IMMP2L: variants seen among roughly 807,000 people sequenced by gnomAD.
IMMP2L encodes the protein inner mitochondrial membrane peptidase subunit 2, also known as mitochondrial inner membrane protease subunit 2.
Under a neutral mutation model 19.3 loss-of-function variants are expected in IMMP2L, and 18 were observed. The observed-to-expected ratio is 0.93, with a 90% CI of 0.64 to 1.38. The LOEUF (loss-of-function observed/expected upper bound fraction) is 1.38. Among genes scored for constraint, IMMP2L ranks in the 40% most tolerant of loss-of-function variants. The pLI, the probability that IMMP2L is intolerant of heterozygous loss-of-function variation, is 0.00. For missense variants in IMMP2L, 233 were observed against 218.2 expected (o/e 1.07, Z -0.43); for synonymous variants, 76 against 73.0 (o/e 1.04, Z -0.21).
At chr7:111,469,814 G>A (rs991143934) in intron 3 of IMMP2L, among the ~76,000 whole-genome samples, 7 of 152,068 alleles carry the variant, frequency 4.6e-5, no homozygotes, top group African/African-American at 1.7e-4. Context: ...ATAGGCATGG[G>A]CAAGGACTTC....
intron 4 of IMMP2L, among the ~76,000 whole-genome samples, chr7:110,889,363 G>C (rs1253812278): frequency 6.6e-6 from 1 of 152,134 alleles, no homozygotes; most frequent in East Asian, 1.9e-4. Context: ...GGTTCCCTCT[G>C]GGGGTGATGG....
chr7:111,144,261 G>A (rs1298137293), intron 3 of IMMP2L, among the ~76,000 whole-genome samples: 1 of 152,002 alleles, frequency 6.6e-6, no homozygotes, highest in Non-Finnish European at 1.5e-5. Context: ...ACACAATATG[G>A]CCACATTCAA....
chr7:111,451,554 G>A (rs1262208830), intron 3 of IMMP2L, among the ~76,000 whole-genome samples: 3 of 120,430 alleles, frequency 2.5e-5, no homozygotes, highest in Non-Finnish European at 3.3e-5. Context: ...ACACTCTGGG[G>A]ACTGTGGTGG....
intron 5 of IMMP2L, among the ~76,000 whole-genome samples, chr7:110,744,254 C>T (rs1271342698): frequency 2.0e-5 from 3 of 152,220 alleles, no homozygotes; most frequent in African/African-American, 7.2e-5. Flanking sequence ...CAGTCAGGGA[C>T]TTATAGATAT....
intron 5 of IMMP2L, among the ~76,000 whole-genome samples, chr7:110,751,461 G>A (rs1250188794): frequency 6.6e-6 from 1 of 151,894 alleles, no homozygotes; most frequent in Non-Finnish European, 1.5e-5. Context: ...ACTCTAAGAG[G>A]CCTTGAGGAA....
intron 5 of IMMP2L, among the ~76,000 whole-genome samples, chr7:110,833,933 G>A (rs1196506930): frequency 6.6e-6 from 1 of 152,168 alleles, no homozygotes; most frequent in Non-Finnish European, 1.5e-5. Flanking sequence ...GAAGGCCTCT[G>A]AGATGAATAT....
chr7:111,408,180 G>GT, intron 3 of IMMP2L, among the ~76,000 whole-genome samples: 1 of 151,810 alleles, frequency 6.6e-6, no homozygotes, highest in Non-Finnish European at 1.5e-5. Flanking sequence ...TACATACATG[G>GT]TAAGTTCCCT....
chr7:111,219,484 A>G (rs1438887169), intron 3 of IMMP2L, among the ~76,000 whole-genome samples: 1 of 152,076 alleles, frequency 6.6e-6, no homozygotes, highest in African/African-American at 2.4e-5. Flanking sequence ...ATAAATTTTA[A>G]GTAAACAGGG....
intron 3 of IMMP2L, among the ~76,000 whole-genome samples, chr7:110,987,486 T>C (rs1446999820): frequency 6.6e-6 from 1 of 152,214 alleles, no homozygotes; most frequent in Non-Finnish European, 1.5e-5. Context: ...TGGATTCTAA[T>C]ATTCTGGGAT....
At chr7:111,388,648 G>A (rs1283194416) in intron 3 of IMMP2L, among the ~76,000 whole-genome samples, 1 of 152,042 alleles carries the variant, frequency 6.6e-6, no homozygotes, top group African/African-American at 2.4e-5. Context: ...GAAGCGAAAA[G>A]TACTTCTTAC....
intron 3 of IMMP2L, among the ~76,000 whole-genome samples, chr7:111,008,272 A>T (rs1285449755): frequency 6.6e-6 from 1 of 152,006 alleles, no homozygotes; most frequent in East Asian, 1.9e-4. Flanking sequence ...CTATGAGGTA[A>T]AGTCCTACCA....
At chr7:111,265,500 T>C (rs1027269325) in intron 3 of IMMP2L, among the ~76,000 whole-genome samples, 15 of 152,054 alleles carry the variant, frequency 9.9e-5, no homozygotes, top group African/African-American at 2.9e-4. Flanking sequence ...TCATCAAGGA[T>C]TGAAGGATGG....
intron 3 of IMMP2L, among the ~76,000 whole-genome samples, chr7:111,404,148 A>AT (rs757038337): frequency 6.6e-6 from 1 of 152,104 alleles, no homozygotes; most frequent in African/African-American, 2.4e-5. Context: ...TAGTCAATCC[A>AT]TTTTTTATAT....
At chr7:111,083,437 T>C (rs1340358548) in intron 3 of IMMP2L, among the ~76,000 whole-genome samples, 1 of 152,208 alleles carries the variant, frequency 6.6e-6, no homozygotes, top group South Asian at 2.1e-4. Context: ...GTTAGTCTTC[T>C]ACCATGAATA....
At chr7:110,971,853 CTG>C (rs2129556678) in intron 3 of IMMP2L, among the ~76,000 whole-genome samples, 1 of 152,130 alleles carries the variant, frequency 6.6e-6, no homozygotes, top group African/African-American at 2.4e-5. Context: ...AATGTTTAAA[CTG>C]TGCTACTGGA....
At chr7:111,390,027 T>C (rs192481446) in intron 3 of IMMP2L, among the ~76,000 whole-genome samples, 42 of 152,312 alleles carry the variant, frequency 2.8e-4, no homozygotes, top group African/African-American at 8.7e-4. Context: ...ATTTCCCTGA[T>C]AGTCACAAAA....
At chr7:110,841,144 A>G (rs1016640053) in intron 5 of IMMP2L, among the ~76,000 whole-genome samples, 1 of 152,200 alleles carries the variant, frequency 6.6e-6, no homozygotes, top group East Asian at 1.9e-4. Context: ...TAACAAATGT[A>G]TAACACACGG....
chr7:110,735,318 T>A (rs1162123384), intron 5 of IMMP2L, among the ~76,000 whole-genome samples: 2 of 152,040 alleles, frequency 1.3e-5, no homozygotes, highest in East Asian at 3.9e-4. Context: ...CAGCAACCAT[T>A]TTTCCAGGAC....
intron 5 of IMMP2L, among the ~76,000 whole-genome samples, chr7:110,819,289 G>T (rs1802820505): frequency 6.6e-6 from 1 of 151,932 alleles, no homozygotes; most frequent in Admixed American, 6.6e-5. Flanking sequence ...AGTGTTTGGG[G>T]AGGTTCGGAG....
Sources: allele counts gnomAD v4.1 joint callset (sites outside exome capture counted in the v4.1 genomes callset), GRCh38; gene constraint gnomAD v4.1.1; transcripts MANE v1.5; gene names NCBI Gene and HGNC (gene_info 2026-07-23, HGNC 2026-07-21).